Variants in OSBPL9 observed in about 807,000 individuals in gnomAD.
The protein encoded by OSBPL9 is oxysterol binding protein like 9.
OSBPL9 carries 40 observed loss-of-function variants against 106.6 expected under a neutral mutation model. The observed-to-expected ratio is 0.38, with a 90% CI of 0.29 to 0.49. The LOEUF is 0.49. Ranked by LOEUF, OSBPL9 falls within the 20% of genes least tolerant of loss-of-function variation. The probability of loss-of-function intolerance (pLI) is 0.97; values close to 1 mark genes in which losing one functional copy is unlikely to be tolerated. For missense variants in OSBPL9, 609 were observed against 887.2 expected (o/e 0.69, Z 3.98); for synonymous variants, 269 against 295.4 (o/e 0.91, Z 0.92).
intron 1 of OSBPL9, among the ~76,000 whole-genome samples, chr1:51,643,932 T>C (rs1645975128): frequency 6.6e-6 from 1 of 151,474 alleles, no homozygotes; most frequent in East Asian, 1.9e-4. Context: ...AAAAAAAAAT[T>C]AGCTGGGTGT....
At chr1:51,632,774 A>G (rs1645189406) in intron 1 of OSBPL9, among the ~76,000 whole-genome samples, 1 of 152,114 alleles carries the variant, frequency 6.6e-6, no homozygotes, top group African/African-American at 2.4e-5. Context: ...CAAAGAAGAT[A>G]GGGTCTACCT....
At chr1:51,530,193 C>CAAA in the OSBPL9 span, among the ~76,000 whole-genome samples, 1 of 55,636 alleles carries the variant, frequency 1.8e-5, no homozygotes, top group Non-Finnish European at 3.3e-5. Flanking sequence ...AAAAAAAAAA[C>CAAA]AAAAAAAAAA....
chr1:51,785,739 C>T (rs1258153745), intron 20 of OSBPL9, 69 bp from the exon 21 acceptor site: 27 of 1,358,972 alleles, frequency 2.0e-5, no homozygotes, highest in Non-Finnish European at 2.7e-5. Flanking sequence ...GTAGTTGGGC[C>T]ACACTGAGCA....
chr1:51,570,204 T>C, the OSBPL9 span, among the ~76,000 whole-genome samples: 6 of 152,348 alleles, frequency 3.9e-5, no homozygotes, highest in African/African-American at 1.2e-4. Context: ...CTTTCTACCA[T>C]AGCCTCGTAG....
chr1:51,659,749 C>T (rs72898007), intron 2 of OSBPL9, among the ~76,000 whole-genome samples: 3 of 151,654 alleles, frequency 2.0e-5, no homozygotes, highest in Non-Finnish European at 2.9e-5. Context: ...ATACATTTTG[C>T]CAATAAATTT....
intron 1 of OSBPL9, among the ~76,000 whole-genome samples, chr1:51,638,515 G>A (rs979418038): frequency 1.3e-5 from 2 of 151,814 alleles, no homozygotes; most frequent in Non-Finnish European, 2.9e-5. Flanking sequence ...TTGAGGCCAG[G>A]AATTTGAGAC....
the OSBPL9 span, among the ~76,000 whole-genome samples, chr1:51,541,876 A>C: frequency 6.7e-6 from 1 of 150,168 alleles, no homozygotes; most frequent in Non-Finnish European, 1.5e-5. Flanking sequence ...AAGCACTCAC[A>C]TTTACCCAGC....
At chr1:51,560,238 C>T in the OSBPL9 span, among the ~76,000 whole-genome samples, 1 of 152,192 alleles carries the variant, frequency 6.6e-6, no homozygotes, top group Non-Finnish European at 1.5e-5. Flanking sequence ...GTGGCTGTGG[C>T]TTCCAGAGGC....
At position 51,680,677 on chromosome 1, in the gene OSBPL9, A is replaced by G. The variant is rs1035878642; in HGVS notation, c.241+11165A>G. On this transcript the variant is annotated intron_variant, in intron 3 of 23. Coordinates refer to ENST00000428468, the MANE Select transcript of OSBPL9 (RefSeq NM_024586.6). ...CCCTGTCTCAAAAAAAACAAAAAAA[A>G]ACCATGATTTGTAAAAGTTGCATAA... is the stretch of plus-strand genomic sequence containing the variant. 2.6e-5 allele frequency among the ~76,000 whole-genome samples: 4 copies of G among 152,022 alleles called. No individual in the cohort carries two copies. In the South Asian group the frequency reaches 8.3e-4, roughly 32 times the overall value.
intron 1 of OSBPL9, among the ~76,000 whole-genome samples, chr1:51,580,940 A>G (rs1428533277): frequency 0.029 from 24 of 826 alleles, 5 homozygotes; most frequent in Non-Finnish European, 0.076. Context: ...ATATATATAT[A>G]TATATATATA....
At chr1:51,538,245 T>C in the OSBPL9 span, among the ~76,000 whole-genome samples, 2 of 151,860 alleles carry the variant, frequency 1.3e-5, no homozygotes, top group Non-Finnish European at 2.9e-5. Context: ...TGAGCCAAGA[T>C]CACGCCACTG....
chr1:51,725,318 C>T (rs1205274322), intron 4 of OSBPL9, among the ~76,000 whole-genome samples: 2 of 151,714 alleles, frequency 1.3e-5, no homozygotes, highest in African/African-American at 4.9e-5. Context: ...CTTACATTGC[C>T]CATCTGTTCT....
chr1:51,589,096 T>C (rs984314595), intron 1 of OSBPL9, among the ~76,000 whole-genome samples: 3 of 82,988 alleles, frequency 3.6e-5, no homozygotes, highest in African/African-American at 1.0e-4. Flanking sequence ...TTTTCTTTTC[T>C]TTTTTTTTTT....
chr1:51,613,825 T>C (rs1224076174), upstream of OSBPL9, among the ~76,000 whole-genome samples: 1 of 152,008 alleles, frequency 6.6e-6, no homozygotes, highest in Non-Finnish European at 1.5e-5. Context: ...TACTGTATCC[T>C]TGACCTCCTG....
At chr1:51,637,441 C>G (rs1310791609) in intron 1 of OSBPL9, among the ~76,000 whole-genome samples, 2 of 152,088 alleles carry the variant, frequency 1.3e-5, no homozygotes, top group Non-Finnish European at 2.9e-5. Context: ...CCACTGCACT[C>G]CAGCCTGGGC....
At chr1:51,519,404 C>G in the OSBPL9 span, 2 of 221,216 alleles carry the variant, frequency 9.0e-6, no homozygotes, top group Non-Finnish European at 1.8e-5. Context: ...CCCCGCCCGC[C>G]TGCCCGCCCG....
intron 14 of OSBPL9, among the ~76,000 whole-genome samples, chr1:51,774,713 A>C (rs534787156): frequency 1.1e-3 from 175 of 152,312 alleles, no homozygotes; most frequent in Non-Finnish European, 2.3e-3. Flanking sequence ...AAGAGGCTAA[A>C]CAAGCTCTTG....
intron 4 of OSBPL9, among the ~76,000 whole-genome samples, chr1:51,741,797 A>G (rs116161725): frequency 2.6e-5 from 4 of 152,044 alleles, no homozygotes; most frequent in Non-Finnish European, 4.4e-5. Context: ...TTATTTCTCT[A>G]TAATTGTTGT....
intron 4 of OSBPL9, among the ~76,000 whole-genome samples, chr1:51,743,119 T>A (rs1348940134): frequency 6.6e-6 from 1 of 152,262 alleles, no homozygotes; most frequent in Non-Finnish European, 1.5e-5. Context: ...ATGGGGCAAC[T>A]ATATACATAA....
Sources: gnomAD v4.1 joint callset for allele counts (sites outside exome capture counted in the v4.1 genomes callset) on GRCh38, gnomAD v4.1.1 for gene constraint, MANE v1.5 for transcripts, NCBI Gene and HGNC (gene_info 2026-07-23, HGNC 2026-07-21) for gene names.